Variants in CDKL4 observed in about 807,000 individuals in gnomAD.
CDKL4 encodes cyclin dependent kinase like 4, also known as cyclin-dependent kinase-like 4.
In CDKL4, 44 loss-of-function variants were observed where a neutral mutation model predicts 42.0. That is an observed-to-expected ratio of 1.05 (90% confidence interval 0.82 to 1.35). The LOEUF (loss-of-function observed/expected upper bound fraction) is 1.35, where lower values mean the gene tolerates loss of function less well. CDKL4 is among the 40% of genes most tolerant of loss of function. The pLI is 0.00. For synonymous variants in CDKL4, 120 were observed against 121.6 expected (o/e 0.99, Z 0.09); for missense variants, 393 against 369.9 (o/e 1.06, Z -0.51).
intron 3 of CDKL4, among the ~76,000 whole-genome samples, chr2:39,218,454 A>G: frequency 1.3e-5 from 2 of 152,212 alleles, no homozygotes; most frequent in East Asian, 3.9e-4. Context: ...AGCCATGTTC[A>G]GGCCACTGCA....
chr2:39,223,524 C>T (rs1678500440), intron 3 of CDKL4, among the ~76,000 whole-genome samples: 1 of 146,076 alleles, frequency 6.8e-6, no homozygotes, highest in Non-Finnish European at 1.5e-5. Context: ...TTTGAATTTC[C>T]TTGATTAATA....
At chr2:39,181,842 A>G (rs1675456476) in intron 8 of CDKL4, among the ~76,000 whole-genome samples, 1 of 152,328 alleles carries the variant, frequency 6.6e-6, no homozygotes, top group Non-Finnish European at 1.5e-5. Context: ...TTTCAGAGAA[A>G]GCCCAGACCT....
intron 5 of CDKL4, among the ~76,000 whole-genome samples, chr2:39,197,973 A>T (rs1676620311): frequency 6.6e-6 from 1 of 152,228 alleles, no homozygotes; most frequent in Non-Finnish European, 1.5e-5. Flanking sequence ...CATGATGAAT[A>T]GTACCTCACA....
rs57132937 is a variant in CDKL4 at position 39,243,113 on chromosome 2, C to CAAAAAAAAAAAA, written c.-57+746_-57+757dup. On this transcript the variant is annotated intron_variant, in intron 1 of 9. Coordinates refer to ENST00000451199, the Ensembl canonical transcript of CDKL4. ...TGGGGAACAAAGTGAGACCCTGTCT[C>CAAAAAAAAAAAA]AAAAAAAAAAAAAAAAAAAAAAAAA... Among the ~76,000 whole-genome samples the CAAAAAAAAAAAA allele has an allele frequency of 2.3e-4, 9 of 38,442 alleles. 1 individual carries two copies. The highest frequency in any genetic ancestry group is 8.7e-4 in the East Asian group (1 of 1,148). The allele number at this position is 38,442 out of a possible 152,430, so 25.2% of individuals were successfully genotyped here. A position where few individuals can be genotyped will look rare whatever the true frequency, so the allele number is the denominator to read the frequency against.
chr2:39,173,582 G>C (rs1025970591), downstream of CDKL4, among the ~76,000 whole-genome samples: 1 of 152,132 alleles, frequency 6.6e-6, no homozygotes, highest in African/African-American at 2.4e-5. Context: ...GGCCGAGATG[G>C]GCGGATCACG....
intron 5 of CDKL4, among the ~76,000 whole-genome samples, chr2:39,194,140 C>A (rs540244508): frequency 4.3e-4 from 66 of 152,272 alleles, no homozygotes; most frequent in African/African-American, 1.6e-3. Flanking sequence ...TAAAAACAAT[C>A]TTGTGAGCTC....
At chr2:39,222,463 C>T (rs1678432804) in intron 3 of CDKL4, among the ~76,000 whole-genome samples, 1 of 151,818 alleles carries the variant, frequency 6.6e-6, no homozygotes, top group African/African-American at 2.4e-5. Flanking sequence ...GGTAGCGGGT[C>T]CCTGTAGTCC....
chr2:39,231,497 C>T (rs1679090840), intron 1 of CDKL4, among the ~76,000 whole-genome samples: 1 of 152,142 alleles, frequency 6.6e-6, no homozygotes, highest in African/African-American at 2.4e-5. Context: ...TACTGACATA[C>T]TATTTTTTAC....
intron 5 of CDKL4, among the ~76,000 whole-genome samples, chr2:39,191,681 T>G (rs565517354): frequency 2.6e-5 from 4 of 152,336 alleles, no homozygotes; most frequent in African/African-American, 9.6e-5. Context: ...GTATGAGTCA[T>G]GTGTGATATG....
chr2:39,177,283 G>C (rs1201043537), intron 9 of CDKL4, among the ~76,000 whole-genome samples: 1 of 152,080 alleles, frequency 6.6e-6, no homozygotes, highest in African/African-American at 2.4e-5. Context: ...CCGTCGAGGC[G>C]AGGCAAGGCA....
chr2:39,230,067 T>C (rs1462502283), intron 1 of CDKL4, among the ~76,000 whole-genome samples: 7 of 152,204 alleles, frequency 4.6e-5, no homozygotes, highest in Non-Finnish European at 1.0e-4. Context: ...GCGTGGGCCA[T>C]TGAACAAAGC....
intron 5 of CDKL4, among the ~76,000 whole-genome samples, chr2:39,192,065 A>G (rs920506257): frequency 2.0e-5 from 3 of 152,258 alleles, no homozygotes; most frequent in South Asian, 4.1e-4. Context: ...ATAAAGTTAT[A>G]TAAACTTTTG....
At chr2:39,175,306 A>G (rs1675120299), downstream of CDKL4, among the ~76,000 whole-genome samples, 1 of 152,220 alleles carries the variant, frequency 6.6e-6, no homozygotes, top group African/African-American at 2.4e-5. Context: ...GACAGCAGTC[A>G]ATTATCCGAG....
rs757897162 is a variant in CDKL4 at position 39,178,703 on chromosome 2, T to A, written c.927+484A>T. On this transcript the variant is annotated intron_variant, in intron 9 of 9. Transcript: ENST00000451199. The stretch of plus-strand genomic sequence containing the variant: ...CAGATGTCTGGGTTTCATTCCTTTG[T>A]ACCTGGCAGATCTTGGTTTTGAGAA... The A allele has an allele frequency of 6.8e-6, 11 of 1,609,572 alleles. No individual in the cohort carries two copies. The South Asian group carries it at 1.2e-4, about 18-fold the overall frequency.
intron 6 of CDKL4, 62 bp from the exon 7 acceptor site, chr2:39,187,771 T>C: frequency 2.6e-6 from 3 of 1,155,492 alleles, no homozygotes; most frequent in South Asian, 1.3e-5. Flanking sequence ...AGTGTTTAAA[T>C]GGTTAATGCC....
At chr2:39,233,164 G>A (rs1322750555) in intron 1 of CDKL4, among the ~76,000 whole-genome samples, 2 of 152,158 alleles carry the variant, frequency 1.3e-5, no homozygotes, top group Admixed American at 1.3e-4. Context: ...TATGAGAGGG[G>A]TGAGATCTAA....
intron 3 of CDKL4, among the ~76,000 whole-genome samples, chr2:39,217,470 G>C (rs56755150): frequency 6.6e-6 from 1 of 152,150 alleles, no homozygotes. Flanking sequence ...TTATAAAAAC[G>C]TAATAGGGGA....
chr2:39,218,153 G>C (rs994623146), intron 3 of CDKL4, among the ~76,000 whole-genome samples: 1 of 152,008 alleles, frequency 6.6e-6, no homozygotes, highest in African/African-American at 2.4e-5. Flanking sequence ...TTTTAGTTAT[G>C]AGTAATTTTC....
chr2:39,205,058 T>C lies in CDKL4; in HGVS notation c.364-441A>G, dbSNP rs961956805. 5.3e-5 allele frequency among the ~76,000 whole-genome samples: 8 copies of C among 152,268 alleles called. No individual in the cohort carries two copies. The East Asian group carries it at 1.2e-3, about 22-fold the overall frequency. On this transcript the variant is annotated intron_variant, in intron 4 of 9. Transcript: ENST00000451199. ...AGCCAGGCAAAGTGGCATGCACTTA[T>C]GGTCCTAGCTACTGAGGAGGCTGAG...
Sources: gnomAD v4.1 joint callset for allele counts (sites outside exome capture counted in the v4.1 genomes callset) on GRCh38, gnomAD v4.1.1 for gene constraint, MANE v1.5 for transcripts, NCBI Gene and HGNC (gene_info 2026-07-23, HGNC 2026-07-21) for gene names.